USH2A: variants seen among roughly 807,000 people sequenced by gnomAD.
USH2A encodes Usher syndrome 2A (autosomal recessive, mild).
A neutral mutation model predicts 538.9 loss-of-function variants in USH2A; 443 were observed. That is an observed-to-expected ratio of 0.82 (90% CI 0.76 to 0.89). USH2A has a LOEUF of 0.89. Ranked by LOEUF, USH2A falls within the 40% of genes least tolerant of loss-of-function variation. USH2A has a pLI of 0.00. For missense variants in USH2A, 6,633 were observed against 6,324.8 expected (o/e 1.05, Z -1.65); for synonymous variants, 2,413 against 2,273.5 (o/e 1.06, Z -1.75).
At position 216,000,499 on chromosome 1, in the gene USH2A, T is replaced by C. The variant is rs1668243857; in HGVS notation, c.6389A>G (p.Asn2130Ser). 1.2e-6 allele frequency: 2 copies of C among 1,613,720 alleles called. No individual in the cohort carries two copies. The highest frequency in any genetic ancestry group is 1.7e-6 in the Non-Finnish European group (2 of 1,179,726). ...TGTGTACAGTAGGACCCAGGAACTG[T>C]TTGTACAGCCCACATGTGTGCATGC... ...LSACTHVGCTNSSWVLLYTAQ... is the reference protein window; with the variant it reads ...LSACTHVGCTSSSWVLLYTAQ... Residue 2130 changes from asparagine to serine, a missense_variant, in exon 33 of 72, where the codon AAC (asparagine) becomes AGC (serine). Coordinates refer to ENST00000307340, the MANE Select transcript of USH2A (RefSeq NM_206933.4).
Position 216,200,030 on chromosome 1 carries a change from A to G in USH2A, c.3408T>C (p.Ser1136=), listed in dbSNP as rs1064793287. ...ETTNVHGSTR[S]VAVTYKTKPG... is the part of the protein sequence containing the mutation. ...GTTTTGTCTTGTAAGTGACAGCTAC[A>G]CTCCTTGTTGAACCATGCACATTGG... Residue 1136 remains serine, a synonymous_variant, in exon 17 of 72, where the codon AGT becomes AGC. Transcript: ENST00000307340. 6.2e-7 allele frequency: 1 copy of G among 1,613,738 alleles called. No homozygotes were observed. Among genetic ancestry groups the G allele is most frequent in the Non-Finnish European group, 8.5e-7 (1 of 1,179,934 alleles).
intron 3 of USH2A, among the ~76,000 whole-genome samples, chr1:216,394,012 G>A (rs924540931): frequency 6.6e-6 from 1 of 152,118 alleles, no homozygotes; most frequent in Non-Finnish European, 1.5e-5. Flanking sequence ...TCACTAAAGA[G>A]GATACACACA....
chr1:215,966,868 T>C (rs1015814172), intron 36 of USH2A, among the ~76,000 whole-genome samples: 4 of 152,230 alleles, frequency 2.6e-5, no homozygotes, highest in Admixed American at 2.6e-4. Flanking sequence ...TATATTATAA[T>C]CCTCAAATAT....
At chr1:216,324,129 A>G in intron 7 of USH2A, 39 bp downstream of exon 7, 1 of 1,427,404 alleles carries the variant, frequency 7.0e-7, no homozygotes, top group Non-Finnish European at 9.7e-7. Context: ...ATTAATAACC[A>G]ATCAGTCTAT....
At chr1:216,043,313 T>C (rs2030369885) in intron 32 of USH2A, among the ~76,000 whole-genome samples, 1 of 152,066 alleles carries the variant, frequency 6.6e-6, no homozygotes, top group African/African-American at 2.4e-5. Flanking sequence ...CTTTCTCAGT[T>C]TATTTCCCCT....
intron 70 of USH2A, among the ~76,000 whole-genome samples, chr1:215,633,101 T>G (rs1656361501): frequency 6.6e-6 from 1 of 152,170 alleles, no homozygotes; most frequent in Non-Finnish European, 1.5e-5. Flanking sequence ...AGAAGTGGGT[T>G]AAGGGGCTAG....
intron 61 of USH2A, among the ~76,000 whole-genome samples, chr1:215,683,353 A>G (rs573268095): frequency 3.3e-4 from 50 of 152,340 alleles, no homozygotes; most frequent in African/African-American, 1.1e-3. Flanking sequence ...AAAAATGAAG[A>G]AAACATAAAA....
rs112619025 is a variant in USH2A, at chr1:215,921,568, T to C, written c.7300+13048A>G. Among the ~76,000 whole-genome samples the C allele has an allele frequency of 2.0e-3, 298 of 152,130 alleles. 3 individuals carry two copies. Among genetic ancestry groups the C allele is most frequent in the African/African-American group, 5.7e-3 (237 of 41,536 alleles). On this transcript the variant is annotated intron_variant, in intron 38 of 71. Coordinates refer to ENST00000307340, the MANE Select transcript of USH2A (RefSeq NM_206933.4). ...GTCACCTCTTCAGATCTGCATTGAT[T>C]AGTGGGGCATCAAAATCTGTGTTGC...
At chr1:216,238,169 A>G (rs1489224543) in intron 13 of USH2A, among the ~76,000 whole-genome samples, 1 of 152,220 alleles carries the variant, frequency 6.6e-6, no homozygotes, top group East Asian at 1.9e-4. Context: ...AAAAGTAAAT[A>G]CTAGGGGGAA....
chr1:215,846,928 G>A, intron 44 of USH2A, among the ~76,000 whole-genome samples: 1 of 152,108 alleles, frequency 6.6e-6, no homozygotes, highest in East Asian at 1.9e-4. Context: ...CTCCCCTTAA[G>A]GACTGGCTCA....
At chr1:216,162,283 A>G (rs1259659443) in intron 21 of USH2A, among the ~76,000 whole-genome samples, 1 of 151,904 alleles carries the variant, frequency 6.6e-6, no homozygotes, top group Non-Finnish European at 1.5e-5. Flanking sequence ...CATTGGCAAA[A>G]CTTATCAATA....
intron 47 of USH2A, among the ~76,000 whole-genome samples, chr1:215,826,101 C>T (rs1663145097): frequency 6.6e-6 from 1 of 152,182 alleles, no homozygotes; most frequent in Non-Finnish European, 1.5e-5. Context: ...GCCTAGAATA[C>T]CACAATATTG....
chr1:216,041,474 T>C (rs2102520509), intron 32 of USH2A, among the ~76,000 whole-genome samples: 1 of 152,204 alleles, frequency 6.6e-6, no homozygotes, highest in South Asian at 2.1e-4. Flanking sequence ...GGCAGCAAGA[T>C]CCACTGGCAA....
intron 3 of USH2A, among the ~76,000 whole-genome samples, chr1:216,415,881 T>G: frequency 6.6e-6 from 1 of 152,088 alleles, no homozygotes; most frequent in Non-Finnish European, 1.5e-5. Context: ...TTTCAAAATC[T>G]AGGCTGGGCA....
chr1:216,340,187 A>T (rs986963428), intron 4 of USH2A, among the ~76,000 whole-genome samples: 2 of 152,162 alleles, frequency 1.3e-5, no homozygotes, highest in African/African-American at 4.8e-5. Flanking sequence ...AGAAATACAA[A>T]CTACCATCAG....
At chr1:215,885,554 A>T (rs1387733633) in intron 41 of USH2A, among the ~76,000 whole-genome samples, 1 of 152,246 alleles carries the variant, frequency 6.6e-6, no homozygotes, top group Admixed American at 6.5e-5. Context: ...TTCAGGTGAC[A>T]CAACTCTTTG....
At chr1:216,140,041 C>T (rs1364772862) in intron 21 of USH2A, among the ~76,000 whole-genome samples, 1 of 152,118 alleles carries the variant, frequency 6.6e-6, no homozygotes, top group East Asian at 1.9e-4. Context: ...AAGGACTGCT[C>T]TAAATATGTT....
intron 26 of USH2A, among the ~76,000 whole-genome samples, chr1:216,082,132 A>G (rs768932592): frequency 1.2e-4 from 19 of 152,082 alleles, no homozygotes; most frequent in Non-Finnish European, 2.5e-4. Flanking sequence ...AGTGAAGGTC[A>G]CCACAGCATG....
At chr1:215,731,099 AC>A (rs1207245059) in intron 60 of USH2A, among the ~76,000 whole-genome samples, 1 of 152,194 alleles carries the variant, frequency 6.6e-6, no homozygotes, top group Non-Finnish European at 1.5e-5. Flanking sequence ...TTAAACTCTC[AC>A]GAATTCCCAA....
Sources: allele counts gnomAD v4.1 joint callset (sites outside exome capture counted in the v4.1 genomes callset), GRCh38; gene constraint gnomAD v4.1.1; transcripts MANE v1.5; gene names NCBI Gene and HGNC (gene_info 2026-07-23, HGNC 2026-07-21).